Variants in ANKRD28 observed in about 807,000 individuals in gnomAD.
ANKRD28 encodes serine/threonine-protein phosphatase 6 regulatory ankyrin repeat subunit A.
ANKRD28 carries 44 observed loss-of-function variants against 126.5 expected under a neutral mutation model. That is an observed-to-expected ratio of 0.35 (90% confidence interval 0.27 to 0.45). ANKRD28 has a LOEUF of 0.45. ANKRD28 is among the 20% of genes least tolerant of loss of function. The pLI, the probability that ANKRD28 is intolerant of heterozygous loss-of-function variation, is 1.00. For synonymous variants in ANKRD28, 442 were observed against 468.5 expected (o/e 0.94, Z 0.73); for missense variants, 1,110 against 1,316.6 (o/e 0.84, Z 2.43).
At chr3:15,753,758 C>G (rs745502957) in intron 3 of ANKRD28, among the ~76,000 whole-genome samples, 13 of 152,098 alleles carry the variant, frequency 8.5e-5, no homozygotes, top group Non-Finnish European at 1.8e-4. Flanking sequence ...GCCTGGCCAA[C>G]ATGGTGAAAC....
At chr3:15,770,043 A>G (rs1286069858) in intron 2 of ANKRD28, among the ~76,000 whole-genome samples, 1 of 152,078 alleles carries the variant, frequency 6.6e-6, no homozygotes, top group Admixed American at 6.5e-5. Flanking sequence ...AACTTAAAAA[A>G]AAAAAAAAAA....
chr3:15,789,437 TAAAAA>T (rs145398421), intron 2 of ANKRD28, among the ~76,000 whole-genome samples: 3,654 of 148,268 alleles, frequency 0.025, 150 homozygotes, highest in African/African-American at 0.084. Flanking sequence ...CTCCTTTTTT[TAAAAA>T]AAAAAGAAAA....
Position 15,760,032 on chromosome 3 carries a change from G to A in ANKRD28, c.280+6202C>T, listed in dbSNP as rs536191228. On this transcript the variant is annotated intron_variant, in intron 3 of 27. Transcript: ENST00000683139. ...TTTACCCAGCTGGAGATGAGGGAGA[G>A]TAACAGCCAATCACCAGCAGATTAC... is the stretch of plus-strand genomic sequence containing the variant. Among the ~76,000 whole-genome samples the A allele has an allele frequency of 3.2e-4, 49 of 151,862 alleles. No individual in the cohort carries two copies. The South Asian group carries it at 8.3e-3, about 26-fold the overall frequency.
At chr3:15,850,507 G>A (rs1169827263) in intron 1 of ANKRD28, among the ~76,000 whole-genome samples, 1 of 151,966 alleles carries the variant, frequency 6.6e-6, no homozygotes, top group Non-Finnish European at 1.5e-5. Context: ...GCCTTTTCCA[G>A]CATCTGGGCT....
chr3:15,800,961 G>C (rs2060452463), upstream of ANKRD28, among the ~76,000 whole-genome samples: 1 of 152,032 alleles, frequency 6.6e-6, no homozygotes, highest in Admixed American at 6.6e-5. Context: ...GGAGACAAGT[G>C]AATATTTAAG....
At position 15,667,498 on chromosome 3, in the gene ANKRD28, CTGTG is replaced by C. The variant is rs2125551439; in HGVS notation, c.*2768_*2771del. On this transcript the variant is annotated 3_prime_UTR_variant, in exon 28 of 28. Transcript: ENST00000683139. Reference sequence around the variant, plus strand: ...AATAAAGCAAACAGGCTTTTCTACTCTGTGTGAGGATAAGAAACACTACAGAACA... The same window carrying C: ...AATAAAGCAAACAGGCTTTTCTACTCTGAGGATAAGAAACACTACAGAACA... 6.6e-6 allele frequency: 1 copy of C among 152,350 alleles called. No homozygotes were observed. Among genetic ancestry groups the C allele is most frequent in the Admixed American group, 6.5e-5 (1 of 15,306 alleles). The allele number at this position is 152,350 out of a possible 1,614,324, so 9.4% of individuals were successfully genotyped here. A position where few individuals can be genotyped will look rare whatever the true frequency, so the allele number is the denominator to read the frequency against.
intron 8 of ANKRD28, among the ~76,000 whole-genome samples, chr3:15,719,995 A>G (rs942260473): frequency 8.6e-5 from 13 of 151,990 alleles, no homozygotes; most frequent in African/African-American, 3.1e-4. Context: ...TCAACCTCCC[A>G]AGTAGCTGGG....
chr3:15,839,276 A>T lies in ANKRD28; in HGVS notation c.27+20101T>A, dbSNP rs892921677. ...ATAAATTATACCTCAATAAACTGTT[A>T]AAAAAAAAACACACTGATCTAACCA... On this transcript the variant is annotated intron_variant, in intron 1 of 27. Coordinates refer to the ANKRD28 transcript ENST00000399451. The surrounding 1 kb of genome is among the most constrained non-coding windows in gnomAD (Gnocchi z 4.3). Among the ~76,000 whole-genome samples the T allele has an allele frequency of 1.4e-5, 2 of 147,944 alleles. No individual in the cohort carries two copies. The highest frequency in any genetic ancestry group is 1.3e-4 in the Admixed American group (2 of 14,878).
chr3:15,806,130 G>T (rs752705817), intron 1 of ANKRD28, among the ~76,000 whole-genome samples: 1 of 152,192 alleles, frequency 6.6e-6, no homozygotes, highest in Non-Finnish European at 1.5e-5. Context: ...AGGTATGTTT[G>T]TAATGTGTCT....
Position 15,853,879 on chromosome 3 carries a change from A to T in ANKRD28, c.27+5498T>A, listed in dbSNP as rs149808604. Among the ~76,000 whole-genome samples the T allele has an allele frequency of 2.7e-3, 408 of 152,340 alleles. 1 individual carries two copies. The highest frequency in any genetic ancestry group is 9.5e-3 in the African/African-American group (394 of 41,574). On this transcript the variant is annotated intron_variant, in intron 1 of 27. Coordinates refer to the ANKRD28 transcript ENST00000399451. This position sits in a 1 kb window ranked among gnomAD's most constrained non-coding sequence, Gnocchi z 4.2. ...AAATCCAAGACACTCTCAATTGTAGATACAAACAGGTCATTAATATAGCTA... is the reference window on the plus strand; with the variant it reads ...AAATCCAAGACACTCTCAATTGTAGTTACAAACAGGTCATTAATATAGCTA...
At chr3:15,824,455 C>T (rs964986606) in intron 1 of ANKRD28, among the ~76,000 whole-genome samples, 4 of 151,784 alleles carry the variant, frequency 2.6e-5, no homozygotes, top group Admixed American at 6.6e-5. Flanking sequence ...TATGCTTGGC[C>T]AAGAATTAAA....
intron 17 of ANKRD28, among the ~76,000 whole-genome samples, chr3:15,693,903 A>G (rs2069156854): frequency 6.6e-6 from 1 of 152,192 alleles, no homozygotes; most frequent in African/African-American, 2.4e-5. Context: ...AAAAAATAAT[A>G]GTACATATGA....
At chr3:15,847,007 T>C (rs929267379) in intron 1 of ANKRD28, among the ~76,000 whole-genome samples, 5 of 152,190 alleles carry the variant, frequency 3.3e-5, no homozygotes, top group African/African-American at 1.2e-4. Context: ...AAAACAAGTT[T>C]GGTAAACAGC....
chr3:15,710,645 C>T (rs1375644555), intron 12 of ANKRD28, among the ~76,000 whole-genome samples: 1 of 152,168 alleles, frequency 6.6e-6, no homozygotes, highest in Non-Finnish European at 1.5e-5. Flanking sequence ...TCTAAATTAT[C>T]AGAAGCATTA....
chr3:15,758,984 T>C (rs1559483472), intron 3 of ANKRD28, among the ~76,000 whole-genome samples: 1 of 152,208 alleles, frequency 6.6e-6, no homozygotes, highest in Non-Finnish European at 1.5e-5. Context: ...CAGTCTAAGG[T>C]CTGAGGTACT....
intron 3 of ANKRD28, among the ~76,000 whole-genome samples, chr3:15,755,375 T>A (rs1318131250): frequency 6.6e-6 from 1 of 152,058 alleles, no homozygotes; most frequent in African/African-American, 2.4e-5. Context: ...TCCTGTAAAA[T>A]GAAAAAGAGT....
chr3:15,740,455 T>A (rs1253640334), intron 4 of ANKRD28, among the ~76,000 whole-genome samples: 1 of 152,232 alleles, frequency 6.6e-6, no homozygotes. Flanking sequence ...ATAAACACTA[T>A]CAAGATTCCT....
chr3:15,805,489 G>A (rs1473137861), intron 1 of ANKRD28, among the ~76,000 whole-genome samples: 2 of 152,050 alleles, frequency 1.3e-5, no homozygotes, highest in Non-Finnish European at 2.9e-5. Flanking sequence ...TCTGACATAT[G>A]ACTTATGTTC....
chr3:15,767,599 C>G (rs575756338), intron 2 of ANKRD28, among the ~76,000 whole-genome samples: 1 of 149,852 alleles, frequency 6.7e-6, no homozygotes, highest in Admixed American at 6.7e-5. Context: ...CAGTGGCTCA[C>G]GCCTGTAATC....
Sources: gnomAD v4.1 joint callset for allele counts (sites outside exome capture counted in the v4.1 genomes callset) on GRCh38, gnomAD v4.1.1 for gene constraint, Gnocchi (gnomAD v3.1) non-coding constraint, MANE v1.5 for transcripts, NCBI Gene and HGNC (gene_info 2026-07-23, HGNC 2026-07-21) for gene names.